CDYL2: variants seen among roughly 807,000 people sequenced by gnomAD.
CDYL2 encodes the protein chromodomain Y like 2, also known as chromodomain Y-like protein 2.
In CDYL2, 23 loss-of-function variants were observed where a neutral mutation model predicts 49.4. The observed-to-expected ratio is 0.47, with a 90% CI of 0.34 to 0.66. The LOEUF (loss-of-function observed/expected upper bound fraction) is 0.66, where lower values mean the gene tolerates loss of function less well. Among genes scored for constraint, CDYL2 ranks in the 30% least tolerant of loss-of-function variants. The probability of loss-of-function intolerance (pLI) is 0.01; values close to 1 mark genes in which losing one functional copy is unlikely to be tolerated. For missense variants in CDYL2, 678 were observed against 656.4 expected (o/e 1.03, Z -0.36); for synonymous variants, 360 against 268.8 (o/e 1.34, Z -3.32).
intron 4 of CDYL2, among the ~76,000 whole-genome samples, chr16:80,620,380 C>A (rs1597128044): frequency 6.6e-6 from 1 of 152,168 alleles, no homozygotes; most frequent in African/African-American, 2.4e-5. Context: ...AACCAGACAA[C>A]CAGAGACTCT....
Position 80,599,075 on chromosome 16 carries a change from C to A in CDYL2, c.*5313G>T, listed in dbSNP as rs1375648060. Reference sequence around the variant, plus strand: ...CAGCTTCAAGAGCTCCAGCATCAGGCTAGATATAAGAGCTCCAGCATCAGG... The same window carrying A: ...CAGCTTCAAGAGCTCCAGCATCAGGATAGATATAAGAGCTCCAGCATCAGG... On this transcript the variant is annotated 3_prime_UTR_variant, in exon 7 of 7. Coordinates refer to ENST00000570137, the MANE Select transcript of CDYL2 (RefSeq NM_152342.4). 1 of 151,626 alleles carries A rather than the reference C, an allele frequency of 6.6e-6. No homozygotes were observed. The highest frequency in any genetic ancestry group is 1.5e-5 in the Non-Finnish European group (1 of 68,024). 9.4% of individuals were successfully genotyped at this position (151,626 alleles called of 1,614,324 possible).
chr16:80,617,351 C>A (rs879685955), intron 4 of CDYL2, among the ~76,000 whole-genome samples: 11 of 152,196 alleles, frequency 7.2e-5, no homozygotes, highest in African/African-American at 2.4e-4. Flanking sequence ...GTCCAAACAA[C>A]GTTTTAGCCC....
rs146110837 is a variant in CDYL2 at position 80,679,383 on chromosome 16, A to C, written c.616+5155T>G. On this transcript the variant is annotated intron_variant, in intron 2 of 6. Transcript: ENST00000570137. Reference sequence around the variant, plus strand: ...TCACAAAATGTCTCTGTCAGTAATCAGGGCTTGGGGAAATTCTACTGCCTG... The same window carrying C: ...TCACAAAATGTCTCTGTCAGTAATCCGGGCTTGGGGAAATTCTACTGCCTG... Among the ~76,000 whole-genome samples the C allele has an allele frequency of 3.4e-3, 514 of 152,284 alleles. 4 individuals carry two copies. The highest frequency in any genetic ancestry group is 0.012 in the African/African-American group (491 of 41,554).
At chr16:80,627,262 T>C (rs1195888843) in intron 3 of CDYL2, among the ~76,000 whole-genome samples, 1 of 151,856 alleles carries the variant, frequency 6.6e-6, no homozygotes, top group Non-Finnish European at 1.5e-5. Flanking sequence ...CTCTCACCTA[T>C]ACATGAACTC....
chr16:80,640,490 C>G (rs541361348), intron 2 of CDYL2, among the ~76,000 whole-genome samples: 1 of 152,196 alleles, frequency 6.6e-6, no homozygotes, highest in Non-Finnish European at 1.5e-5. Context: ...AGACTCAGCA[C>G]ATTCCCATCT....
At chr16:80,722,611 T>C (rs1000362815) in intron 1 of CDYL2, among the ~76,000 whole-genome samples, 1 of 152,170 alleles carries the variant, frequency 6.6e-6, no homozygotes, top group Non-Finnish European at 1.5e-5. Context: ...ATTAGAAAAC[T>C]GAGGATCCAA....
rs773079432 is a variant in CDYL2, at chr16:80,684,702, T to C, written c.452A>G (p.Lys151Arg). Residue 151 changes from lysine (K) to arginine (R), a missense_variant, in exon 2 of 7, where the codon AAG (lysine) becomes AGG (arginine). Lys to Arg is a conservative substitution (Grantham distance 26, BLOSUM62 2). Around this residue, in one of 3 missense-constraint regions of CDYL2, gnomAD observed 478 missense variants for 427.0 expected, o/e 1.12. Coordinates refer to ENST00000570137, the MANE Select transcript of CDYL2 (RefSeq NM_152342.4). ...CCCATTTTCCATCCCGTTCTGAGAC[T>C]TTTTCAGGGGCATTATTTGCAAACC... Reference protein sequence around the residue: ...PSGLQIMPLKKSQNGMENGDA... With the variant: ...PSGLQIMPLKRSQNGMENGDA... The C allele has an allele frequency of 1.2e-5, 19 of 1,614,152 alleles. 1 individual carries two copies. In the South Asian group the frequency reaches 2.0e-4, roughly 17 times the overall value.
At chr16:80,608,767 G>A (rs1026125339) in intron 5 of CDYL2, among the ~76,000 whole-genome samples, 12 of 152,114 alleles carry the variant, frequency 7.9e-5, no homozygotes, top group Non-Finnish European at 1.5e-4. Context: ...GAGAGGTGGG[G>A]CTACAAGGAA....
chr16:80,787,373 C>A (rs1426871970), intron 1 of CDYL2, among the ~76,000 whole-genome samples: 3 of 152,116 alleles, frequency 2.0e-5, no homozygotes, highest in Admixed American at 6.6e-5. Flanking sequence ...TACTTCCATG[C>A]CAAAATGGAA....
intron 2 of CDYL2, among the ~76,000 whole-genome samples, chr16:80,655,481 G>A (rs1343501634): frequency 2.6e-5 from 4 of 152,182 alleles, no homozygotes; most frequent in African/African-American, 9.6e-5. Flanking sequence ...AAACAATAGG[G>A]TGATGTGATA....
intron 1 of CDYL2, among the ~76,000 whole-genome samples, chr16:80,707,153 A>C (rs1904433079): frequency 6.6e-6 from 1 of 152,168 alleles, no homozygotes; most frequent in Non-Finnish European, 1.5e-5. Flanking sequence ...TAAAAAAAGA[A>C]AATTTTTAGA....
At chr16:80,621,830 T>G (rs1907097492) in intron 3 of CDYL2, among the ~76,000 whole-genome samples, 1 of 152,168 alleles carries the variant, frequency 6.6e-6, no homozygotes, top group African/African-American at 2.4e-5. Context: ...TATGACCTTG[T>G]CTTAGGCAGG....
At chr16:80,792,070 T>C (rs1050364483) in intron 1 of CDYL2, among the ~76,000 whole-genome samples, 1 of 152,318 alleles carries the variant, frequency 6.6e-6, no homozygotes, top group South Asian at 2.1e-4. Context: ...GCTGCACTTC[T>C]ACCTTGGGAA....
chr16:80,624,894 C>T (rs1228079988), intron 3 of CDYL2, among the ~76,000 whole-genome samples: 2 of 151,982 alleles, frequency 1.3e-5, no homozygotes, highest in Non-Finnish European at 2.9e-5. Flanking sequence ...TTGACCAAAA[C>T]GTAGCACAGA....
intron 1 of CDYL2, among the ~76,000 whole-genome samples, chr16:80,779,767 T>C (rs1027399482): frequency 6.6e-6 from 1 of 152,142 alleles, no homozygotes; most frequent in African/African-American, 2.4e-5. Flanking sequence ...ATGTAGTTAA[T>C]ACATACACAT....
chr16:80,802,947 G>A (rs74708174), intron 1 of CDYL2, among the ~76,000 whole-genome samples: 18,531 of 152,238 alleles, frequency 0.12, 1,182 homozygotes, highest in Non-Finnish European at 0.13. Context: ...AAAGCCTTAA[G>A]AACCAGATGG....
chr16:80,780,025 T>C (rs138775047), intron 1 of CDYL2, among the ~76,000 whole-genome samples: 68 of 152,296 alleles, frequency 4.5e-4, no homozygotes, highest in African/African-American at 1.6e-3. Context: ...TGAACACCTA[T>C]GACTGTATCT....
In CDYL2 at chr16:80,603,617, A is replaced by C. The variant is rs1906193924; in HGVS notation, c.*771T>G. The C allele has an allele frequency of 6.6e-6, 1 of 152,642 alleles. No homozygotes were observed. The highest frequency in any genetic ancestry group is 6.5e-5 in the Admixed American group (1 of 15,282). The allele number at this position is 152,642 out of a possible 1,614,324, so 9.5% of individuals were successfully genotyped here. A position where few individuals can be genotyped will look rare whatever the true frequency, so the allele number is the denominator to read the frequency against. ...TGGGATTTGGTCCAGGGTAGTATGAAAATAGTATCTGTGTGAACAACAGAC... is the reference window on the plus strand; with the variant it reads ...TGGGATTTGGTCCAGGGTAGTATGACAATAGTATCTGTGTGAACAACAGAC... On this transcript the variant is annotated 3_prime_UTR_variant, in exon 7 of 7. Coordinates refer to ENST00000570137, the MANE Select transcript of CDYL2 (RefSeq NM_152342.4).
chr16:80,735,406 C>T (rs1383815606), intron 1 of CDYL2, among the ~76,000 whole-genome samples: 3 of 152,208 alleles, frequency 2.0e-5, no homozygotes, highest in Admixed American at 6.5e-5. Flanking sequence ...GCATCAGTTT[C>T]CTCATCTGTA....
Sources: allele counts gnomAD v4.1 joint callset (sites outside exome capture counted in the v4.1 genomes callset), GRCh38; gene constraint gnomAD v4.1.1; regional missense constraint gnomAD v4.1.1; transcripts MANE v1.5; gene names NCBI Gene and HGNC (gene_info 2026-07-23, HGNC 2026-07-21).